SCAI: variants seen among roughly 807,000 people sequenced by gnomAD.
SCAI encodes suppressor of cancer cell invasion.
Under a neutral mutation model 92.2 loss-of-function variants are expected in SCAI, and 24 were observed. The ratio of observed to expected loss-of-function variants is 0.26; its 90% confidence interval spans 0.19 to 0.37. The LOEUF (loss-of-function observed/expected upper bound fraction) is 0.37, where lower values mean the gene tolerates loss of function less well. Among genes scored for constraint, SCAI ranks in the 10% least tolerant of loss-of-function variants. The pLI is 1.00. For synonymous variants in SCAI, 261 were observed against 258.6 expected (o/e 1.01, Z -0.09); for missense variants, 450 against 736.2 (o/e 0.61, Z 4.50).
At chr9:125,077,149 T>C (rs1834107107) in intron 2 of SCAI, among the ~76,000 whole-genome samples, 1 of 152,226 alleles carries the variant, frequency 6.6e-6, no homozygotes, top group Non-Finnish European at 1.5e-5. Context: ...TATGGTCATA[T>C]GATGTATTCC....
Position 124,943,390 on chromosome 9 carries a change from C to G in SCAI, c.*9417G>C, listed in dbSNP as rs1564350944. 6.6e-6 allele frequency: 1 copy of G among 152,148 alleles called. No homozygotes were observed. The highest frequency in any genetic ancestry group is 6.5e-5 in the Admixed American group (1 of 15,276). 9.4% of individuals were successfully genotyped at this position (152,148 alleles called of 1,614,324 possible). A position where few individuals can be genotyped will look rare whatever the true frequency, so the allele number is the denominator to read the frequency against. ...ATACAAATGAACGACAAGATTGTTTCAAAGATTACAGTGATTTGTGAATAG... is the reference window on the plus strand; with the variant it reads ...ATACAAATGAACGACAAGATTGTTTGAAAGATTACAGTGATTTGTGAATAG... On this transcript the variant is annotated 3_prime_UTR_variant, in exon 18 of 18. Transcript: ENST00000336505.
Position 124,971,613 on chromosome 9 carries a change from AC to A in SCAI, c.1573+57del. The A allele has an allele frequency of 4.1e-6, 6 of 1,458,052 alleles. No homozygotes were observed. In the South Asian group the frequency reaches 6.6e-5, roughly 16 times the overall value. The allele number at this position is 1,458,052 out of a possible 1,614,324, so 90.3% of individuals were successfully genotyped here. Reference sequence around the variant, plus strand: ...AAATTCAAACAATTTAAAATAAGTAACCATTTTAAGCCATTATAGTACATTC... The same window carrying A: ...AAATTCAAACAATTTAAAATAAGTAACATTTTAAGCCATTATAGTACATTC... On this transcript the variant is annotated intron_variant, in intron 16 of 17. Transcript: ENST00000336505.
chr9:125,090,682 G>C (rs1328165728), intron 2 of SCAI, among the ~76,000 whole-genome samples: 2 of 152,080 alleles, frequency 1.3e-5, no homozygotes, highest in African/African-American at 4.8e-5. Context: ...CTCCATTCTT[G>C]ACATAGCAGC....
At chr9:125,130,935 G>GTTT (rs1564133509) in intron 2 of SCAI, among the ~76,000 whole-genome samples, 1 of 92,738 alleles carries the variant, frequency 1.1e-5, no homozygotes, top group Non-Finnish European at 2.5e-5. Context: ...GGTTTGAACC[G>GTTT]CTTTTTTTTT....
In SCAI at chr9:125,126,420, T is replaced by A. The variant is rs548728187; in HGVS notation, c.98+16213A>T. 6.2e-3 allele frequency among the ~76,000 whole-genome samples: 932 copies of A among 149,906 alleles called. 15 individuals carry two copies. The East Asian group carries it at 0.073, about 12-fold the overall frequency. The stretch of plus-strand genomic sequence containing the variant: ...GTGTGTGTGTGTGTGTGTGTGTGTG[T>A]GTGAGAGAGAGAGAGAACACACATG... On this transcript the variant is annotated intron_variant, in intron 2 of 17. Transcript: ENST00000336505.
At chr9:125,003,617 G>T in intron 9 of SCAI, 47 bp from the exon 10 acceptor site, 1 of 1,199,564 alleles carries the variant, frequency 8.3e-7, no homozygotes, top group Non-Finnish European at 1.2e-6. Flanking sequence ...AATGCAACAC[G>T]CAGACTTTAA....
chr9:125,046,804 G>A (rs1437296010), intron 3 of SCAI, among the ~76,000 whole-genome samples: 3 of 151,704 alleles, frequency 2.0e-5, no homozygotes, highest in Non-Finnish European at 4.4e-5. Flanking sequence ...TATGTTTCTA[G>A]TAAGACCTGA....
rs898861306 is a variant in SCAI at position 125,091,335 on chromosome 9, C to T, written c.99-35328G>A. Among the ~76,000 whole-genome samples the T allele has an allele frequency of 6.6e-6, 1 of 152,156 alleles. No individual in the cohort carries two copies. Among genetic ancestry groups the T allele is most frequent in the East Asian group, 1.9e-4 (1 of 5,202 alleles). ...GTACTTGACAACTTTCCAATAAATT[C>T]ATTTTCTGCTTAAGTTGGCTGGAAT... is the stretch of plus-strand genomic sequence containing the variant. On this transcript the variant is annotated intron_variant, in intron 2 of 17. Transcript: ENST00000336505. This position sits in a 1 kb window ranked among gnomAD's most constrained non-coding sequence, Gnocchi z 4.3.
chr9:125,093,592 G>T (rs1834487337), intron 2 of SCAI, among the ~76,000 whole-genome samples: 1 of 149,708 alleles, frequency 6.7e-6, no homozygotes, highest in South Asian at 2.1e-4. Context: ...TTGAGACAGG[G>T]TCTCGCTCTG....
At chr9:124,971,284 C>T (rs944555681) in intron 17 of SCAI, 86 bp downstream of exon 17, 24 of 628,498 alleles carry the variant, frequency 3.8e-5, no homozygotes, top group Admixed American at 1.5e-4. Context: ...TTTATTATAA[C>T]CTTATTTTAT....
intron 13 of SCAI, 99 bp from the exon 14 acceptor site, chr9:124,995,114 C>G: frequency 5.1e-6 from 4 of 781,980 alleles, no homozygotes; most frequent in Non-Finnish European, 4.1e-6. Context: ...TGCATCATAG[C>G]ACTGAGAGAA....
At chr9:125,131,407 C>CAAAA (rs200932061) in intron 2 of SCAI, among the ~76,000 whole-genome samples, 1 of 63,328 alleles carries the variant, frequency 1.6e-5, no homozygotes, top group Non-Finnish European at 3.5e-5. Context: ...GACTCCGTCT[C>CAAAA]AAAAAAAAAA....
At chr9:124,962,860 G>A (rs1451724919) in intron 17 of SCAI, among the ~76,000 whole-genome samples, 75 of 149,788 alleles carry the variant, frequency 5.0e-4, no homozygotes, top group Non-Finnish European at 9.0e-4. Flanking sequence ...GTGCAGTCGC[G>A]CGATCTTGGC....
chr9:125,107,819 T>C (rs949394769), intron 2 of SCAI, among the ~76,000 whole-genome samples: 3 of 152,198 alleles, frequency 2.0e-5, no homozygotes, highest in Non-Finnish European at 4.4e-5. Flanking sequence ...CTCTCCCCTC[T>C]CCATCTCCCT....
intron 14 of SCAI, among the ~76,000 whole-genome samples, chr9:124,985,505 T>C (rs1564366906): frequency 6.6e-6 from 1 of 152,074 alleles, no homozygotes; most frequent in Non-Finnish European, 1.5e-5. Flanking sequence ...TAGTCAAAAA[T>C]AATCAAGCAT....
rs543150845 is a variant in SCAI at position 124,967,416 on chromosome 9, A to G, written c.1674+3954T>C. On this transcript the variant is annotated intron_variant, in intron 17 of 17. Coordinates refer to ENST00000336505, the MANE Select transcript of SCAI (RefSeq NM_001144877.3). ...TTGGGAAACTTGTCCACAAAGGCAC[A>G]ACTACTTTGTGGCTGAACTACGTCT... Among the ~76,000 whole-genome samples, 84 of 152,182 alleles carry G rather than the reference A, an allele frequency of 5.5e-4. 1 individual carries two copies. The highest frequency in any genetic ancestry group is 1.1e-3 in the Non-Finnish European group (73 of 68,026).
chr9:125,008,610 G>A (rs917816539), intron 9 of SCAI, among the ~76,000 whole-genome samples: 7 of 152,294 alleles, frequency 4.6e-5, no homozygotes, highest in Admixed American at 4.6e-4. Context: ...CAGAAGATAT[G>A]GTTAGTGAAA....
At chr9:125,108,076 T>C (rs1191827839) in intron 2 of SCAI, among the ~76,000 whole-genome samples, 4 of 152,268 alleles carry the variant, frequency 2.6e-5, no homozygotes, top group African/African-American at 9.6e-5. Context: ...GCGAGTGATC[T>C]GCCAGCCTGG....
At chr9:125,135,233 T>C (rs1174506811) in intron 2 of SCAI, among the ~76,000 whole-genome samples, 1 of 152,250 alleles carries the variant, frequency 6.6e-6, no homozygotes, top group African/African-American at 2.4e-5. Flanking sequence ...TATCTCAAAC[T>C]GTCTTTGTTT....
Sources: gnomAD v4.1 joint callset for allele counts (sites outside exome capture counted in the v4.1 genomes callset) on GRCh38, gnomAD v4.1.1 for gene constraint, Gnocchi (gnomAD v3.1) non-coding constraint, MANE v1.5 for transcripts, NCBI Gene and HGNC (gene_info 2026-07-23, HGNC 2026-07-21) for gene names.